The following BNC2 variants were observed in gnomAD, a reference collection of about 807,000 sequenced individuals.
BNC2 encodes the protein zinc finger protein basonuclin-2.
BNC2 carries 20 observed loss-of-function variants against 76.3 expected under a neutral mutation model. That is an observed-to-expected ratio of 0.26 (90% CI 0.18 to 0.38). The LOEUF (loss-of-function observed/expected upper bound fraction) is 0.38, where lower values mean the gene tolerates loss of function less well. BNC2 is among the 10% of genes least tolerant of loss of function. The probability of loss-of-function intolerance (pLI) is 1.00; values close to 1 mark genes in which losing one functional copy is unlikely to be tolerated. For missense variants in BNC2, 1,382 were observed against 1,399.8 expected, an observed-to-expected ratio of 0.99 and a Z score of 0.20; for synonymous variants, 582 against 514.8, an observed-to-expected ratio of 1.13 and a Z score of -1.77.
intron 1 of BNC2, among the ~76,000 whole-genome samples, chr9:16,776,326 G>T (rs1341594154): frequency 6.6e-6 from 1 of 152,030 alleles, no homozygotes; most frequent in African/African-American, 2.4e-5. Context: ...TTTTAGTAGA[G>T]ACGGGGTTTC....
chr9:16,763,471 G>A (rs1825609045), intron 1 of BNC2, among the ~76,000 whole-genome samples: 1 of 152,074 alleles, frequency 6.6e-6, no homozygotes, highest in African/African-American at 2.4e-5. Flanking sequence ...ATGGGAAGCT[G>A]AGGCAGAAGG....
At chr9:16,669,195 T>TGGCTCCA (rs1319605594) in intron 3 of BNC2, among the ~76,000 whole-genome samples, 1 of 152,172 alleles carries the variant, frequency 6.6e-6, no homozygotes, top group East Asian at 1.9e-4. Flanking sequence ...AGCCTGAGAA[T>TGGCTCCA]ATAATGGAAA....
chr9:16,822,789 T>C (rs572483787), intron 1 of BNC2, among the ~76,000 whole-genome samples: 8 of 152,356 alleles, frequency 5.3e-5, no homozygotes, highest in African/African-American at 1.7e-4. Context: ...CAGAAATTAT[T>C]ATAGTCAACT....
At position 16,636,700 on chromosome 9, in the gene BNC2, A is replaced by C. The variant is rs1821339223; in HGVS notation, c.331-53615T>G. ...GATTCCAAATCTAAAGAACAACAAG[A>C]AAATACCTGAAGGGAAGTGGAGAAC... On this transcript the variant is annotated intron_variant, in intron 3 of 6. Transcript: ENST00000380672. Among the ~76,000 whole-genome samples the C allele has an allele frequency of 2.0e-5, 3 of 152,146 alleles. No individual in the cohort carries two copies. In the South Asian group the frequency reaches 6.2e-4, roughly 32 times the overall value.
chr9:16,699,209 A>G, intron 3 of BNC2: 1 of 471,170 alleles, frequency 2.1e-6, no homozygotes. Context: ...ACAAACTGTC[A>G]TCCCCACTAT....
At chr9:16,690,025 G>A (rs1823107816) in intron 3 of BNC2, among the ~76,000 whole-genome samples, 3 of 152,214 alleles carry the variant, frequency 2.0e-5, no homozygotes, top group Admixed American at 6.5e-5. Context: ...GGCAGAGTAT[G>A]CAGTTAAATT....
intron 5 of BNC2, among the ~76,000 whole-genome samples, chr9:16,448,736 T>C (rs1421554453): frequency 1.3e-5 from 2 of 152,162 alleles, no homozygotes; most frequent in Admixed American, 1.3e-4. Context: ...CTTTTCTGGG[T>C]ATAAGAATAG....
In BNC2 at chr9:16,620,137, T is replaced by C. The variant is rs568648629; in HGVS notation, c.331-37052A>G. 2.6e-5 allele frequency among the ~76,000 whole-genome samples: 4 copies of C among 152,220 alleles called. No individual in the cohort carries two copies. The East Asian group carries it at 5.8e-4, about 22-fold the overall frequency. ...CTTAACAAGACAGAGCTAAATTCAA[T>C]GAAGCTTGACGCCATTGATATGAAA... On this transcript the variant is annotated intron_variant, in intron 3 of 6. Coordinates refer to ENST00000380672, the MANE Select transcript of BNC2 (RefSeq NM_017637.6).
chr9:16,522,330 T>C (rs142111510), intron 5 of BNC2, among the ~76,000 whole-genome samples: 1 of 152,312 alleles, frequency 6.6e-6, no homozygotes, highest in East Asian at 1.9e-4. Flanking sequence ...TGCCACGGCC[T>C]CTTCCTCCTA....
intron 3 of BNC2, among the ~76,000 whole-genome samples, chr9:16,681,342 G>A (rs1021574968): frequency 6.6e-6 from 1 of 152,200 alleles, no homozygotes; most frequent in Non-Finnish European, 1.5e-5. Context: ...GGGGAAAAAG[G>A]AGCTGAATAA....
chr9:16,665,370 CAA>C (rs1195291523), intron 3 of BNC2, among the ~76,000 whole-genome samples: 2 of 3,034 alleles, frequency 6.6e-4, no homozygotes, highest in East Asian at 7.5e-3. Context: ...ACCTCTGTCT[CAA>C]AAAAAAAAAA....
intron 1 of BNC2, among the ~76,000 whole-genome samples, chr9:16,854,137 C>T (rs542612342): frequency 1.3e-5 from 2 of 152,266 alleles, no homozygotes; most frequent in East Asian, 3.9e-4. Context: ...TCTACTTTCT[C>T]TTCCCATAGC....
intron 5 of BNC2, among the ~76,000 whole-genome samples, chr9:16,508,305 C>G (rs1822676367): frequency 6.6e-6 from 1 of 152,206 alleles, no homozygotes; most frequent in Non-Finnish European, 1.5e-5. Context: ...ACACATCAGT[C>G]AACTCTTAAA....
At chr9:16,534,907 G>A (rs1818082080) in intron 5 of BNC2, among the ~76,000 whole-genome samples, 2 of 152,116 alleles carry the variant, frequency 1.3e-5, no homozygotes, top group Non-Finnish European at 2.9e-5. Flanking sequence ...TAAACATGTA[G>A]CAGTATCTGT....
rs1477788502 is a variant in BNC2 at position 16,842,771 on chromosome 9, GT to G, written c.3+27874del. Among the ~76,000 whole-genome samples the G allele has an allele frequency of 2.6e-5, 4 of 151,412 alleles. No homozygotes were observed. In the East Asian group the frequency reaches 5.8e-4, roughly 22 times the overall value. Reference sequence around the variant, plus strand: ...TTTTATTTTTGTTTTGTTTTACTTTGTTTTTTGGAGTCTCCTTCACTCTGTG... The same window carrying G: ...TTTTATTTTTGTTTTGTTTTACTTTGTTTTTGGAGTCTCCTTCACTCTGTG... On this transcript the variant is annotated intron_variant, in intron 1 of 6. Transcript: ENST00000380672.
intron 1 of BNC2, among the ~76,000 whole-genome samples, chr9:16,810,937 G>A (rs1285482527): frequency 6.6e-6 from 1 of 152,120 alleles, no homozygotes; most frequent in South Asian, 2.1e-4. Flanking sequence ...CAGTGTACAG[G>A]GGCCAGCGCA....
chr9:16,610,896 A>G (rs1321687498), intron 3 of BNC2, among the ~76,000 whole-genome samples: 1 of 152,288 alleles, frequency 6.6e-6, no homozygotes, highest in South Asian at 2.1e-4. Flanking sequence ...AGTAGCTGTC[A>G]CTTAGGCTGC....
At chr9:16,604,697 T>TG (rs2133345125) in intron 3 of BNC2, among the ~76,000 whole-genome samples, 1 of 151,874 alleles carries the variant, frequency 6.6e-6, no homozygotes, top group East Asian at 1.9e-4. Context: ...CCCAGCTACT[T>TG]GGAGGCTGAG....
At chr9:16,827,222 T>C (rs995182017) in intron 1 of BNC2, among the ~76,000 whole-genome samples, 1 of 152,204 alleles carries the variant, frequency 6.6e-6, no homozygotes, top group African/African-American at 2.4e-5. Context: ...GCCCAAGTAA[T>C]TGAAGCCCTA....
Sources: allele counts gnomAD v4.1 joint callset (sites outside exome capture counted in the v4.1 genomes callset), GRCh38; gene constraint gnomAD v4.1.1; transcripts MANE v1.5; gene names NCBI Gene and HGNC (gene_info 2026-07-23, HGNC 2026-07-21).